The following ESRRG variants were observed in gnomAD, a reference collection of about 807,000 sequenced individuals.
ESRRG encodes estrogen-related receptor gamma.
A neutral mutation model predicts 44.0 loss-of-function variants in ESRRG; 13 were observed. That is an observed-to-expected ratio of 0.30 (90% CI 0.19 to 0.47). ESRRG has a LOEUF of 0.47. Ranked by LOEUF, ESRRG falls within the 20% of genes least tolerant of loss-of-function variation. The pLI, the probability that ESRRG is intolerant of heterozygous loss-of-function variation, is 1.00. For missense variants in ESRRG, 395 were observed against 580.6 expected, an observed-to-expected ratio of 0.68 and a Z score of 3.29; for synonymous variants, 215 against 214.6, an observed-to-expected ratio of 1.00 and a Z score of -0.02.
intron 1 of ESRRG, among the ~76,000 whole-genome samples, chr1:217,027,903 C>A (rs2081465890): frequency 6.6e-6 from 1 of 152,306 alleles, no homozygotes. Flanking sequence ...ATCATTGCCT[C>A]AATGCAGCCT....
intron 2 of ESRRG, among the ~76,000 whole-genome samples, chr1:216,795,633 A>G (rs1320130636): frequency 6.6e-6 from 1 of 151,738 alleles, no homozygotes; most frequent in African/African-American, 2.4e-5. Context: ...ACGCCACTGC[A>G]CCTGGCCTCT....
chr1:217,004,992 G>A (rs1050946319), intron 1 of ESRRG, among the ~76,000 whole-genome samples: 1 of 152,026 alleles, frequency 6.6e-6, no homozygotes, highest in African/African-American at 2.4e-5. Context: ...TAGTAATAAT[G>A]GTTCTACTCT....
intron 1 of ESRRG, among the ~76,000 whole-genome samples, chr1:217,008,526 C>G (rs1316935987): frequency 6.6e-6 from 1 of 152,176 alleles, no homozygotes; most frequent in African/African-American, 2.4e-5. Context: ...TGTTTGCACT[C>G]TCTAGGTTCT....
chr1:216,852,047 G>A (rs1417140056), intron 2 of ESRRG, among the ~76,000 whole-genome samples: 7 of 152,284 alleles, frequency 4.6e-5, no homozygotes, highest in East Asian at 3.9e-4. Flanking sequence ...AACCTGTTGC[G>A]GCTGAGAAGT....
At chr1:216,754,064 C>T (rs770457309) in intron 2 of ESRRG, among the ~76,000 whole-genome samples, 2 of 152,006 alleles carry the variant, frequency 1.3e-5, no homozygotes, top group Non-Finnish European at 2.9e-5. Context: ...GATTTTACTG[C>T]CATTTTTTTC....
In ESRRG at chr1:216,638,900, T is replaced by C. The variant is rs536265570; in HGVS notation, c.589+12073A>G. On this transcript the variant is annotated intron_variant, in intron 3 of 6. Coordinates refer to ENST00000408911, the MANE Select transcript of ESRRG (RefSeq NM_001438.4). The stretch of plus-strand genomic sequence containing the variant: ...AGATGTTGTAAAGAACAGGATGTAC[T>C]TCTGCCATAGCAGATAGAAATATTT... 4.6e-5 allele frequency among the ~76,000 whole-genome samples: 7 copies of C among 152,344 alleles called. 1 individual carries two copies. Among genetic ancestry groups the C allele is most frequent in the African/African-American group, 1.7e-4 (7 of 41,590 alleles).
chr1:216,935,764 C>T (rs549769236), intron 2 of ESRRG, among the ~76,000 whole-genome samples: 12 of 152,078 alleles, frequency 7.9e-5, no homozygotes, highest in Non-Finnish European at 1.6e-4. Flanking sequence ...TTACAGGCAC[C>T]TGCCACCATG....
intron 3 of ESRRG, among the ~76,000 whole-genome samples, chr1:216,611,757 G>A (rs4124653): frequency 0.37 from 55,980 of 149,698 alleles, 10,630 homozygotes; most frequent in East Asian, 0.52. Context: ...CTAGAGGTAT[G>A]TAAAAAAAAA....
chr1:216,793,127 C>G (rs186934013), intron 2 of ESRRG, among the ~76,000 whole-genome samples: 1 of 152,150 alleles, frequency 6.6e-6, no homozygotes. Flanking sequence ...CCCTTTTGGT[C>G]CCACAGTGTT....
At chr1:217,071,915 G>A (rs535144267) in intron 1 of ESRRG, among the ~76,000 whole-genome samples, 77 of 152,282 alleles carry the variant, frequency 5.1e-4, no homozygotes, top group African/African-American at 1.8e-3. Context: ...CTAGAGCTAT[G>A]ATGTAAAGCA....
chr1:216,586,730 C>T lies in ESRRG; in HGVS notation c.590-18632G>A, dbSNP rs553208565. On this transcript the variant is annotated intron_variant, in intron 3 of 6. Coordinates refer to ENST00000408911, the MANE Select transcript of ESRRG (RefSeq NM_001438.4). The stretch of plus-strand genomic sequence containing the variant: ...GGCTGGGACTACAGGCGCCCACCAC[C>T]ATGCCTGGCTAATTTTTTTTGTATT... Among the ~76,000 whole-genome samples the T allele has an allele frequency of 2.1e-5, 3 of 141,882 alleles. No individual in the cohort carries two copies. The Admixed American group carries it at 2.1e-4, about 10-fold the overall frequency. The allele number at this position is 141,882 out of a possible 152,430, so 93.1% of individuals were successfully genotyped here.
intron 2 of ESRRG, among the ~76,000 whole-genome samples, chr1:216,800,993 G>C (rs951490868): frequency 6.6e-6 from 1 of 151,988 alleles, no homozygotes; most frequent in Non-Finnish European, 1.5e-5. Flanking sequence ...TTTTTTTAAT[G>C]TTATTGTGTA....
chr1:217,074,860 C>T (rs1002610289), intron 1 of ESRRG, among the ~76,000 whole-genome samples: 1 of 152,206 alleles, frequency 6.6e-6, no homozygotes, highest in African/African-American at 2.4e-5. Context: ...CTGTGATGTA[C>T]AGTTGTCACT....
chr1:216,568,931 G>A lies in ESRRG; in HGVS notation c.590-833C>T, dbSNP rs541607601. Among the ~76,000 whole-genome samples the A allele has an allele frequency of 3.3e-5, 5 of 152,090 alleles. No individual in the cohort carries two copies. In the South Asian group the frequency reaches 1.0e-3, roughly 32 times the overall value. On this transcript the variant is annotated intron_variant, in intron 3 of 6. Coordinates refer to ENST00000408911, the MANE Select transcript of ESRRG (RefSeq NM_001438.4). ...TAGCCAGGCGTGGTGGTGCATGCCTGTAATCCCAGCTACTCGGGAGTCTGA... is the reference window on the plus strand; with the variant it reads ...TAGCCAGGCGTGGTGGTGCATGCCTATAATCCCAGCTACTCGGGAGTCTGA...
chr1:216,967,140 G>A (rs1301733226), intron 1 of ESRRG, among the ~76,000 whole-genome samples: 2 of 151,714 alleles, frequency 1.3e-5, no homozygotes, highest in Admixed American at 6.6e-5. Context: ...CTTAAGTATC[G>A]CCTACCTACC....
intron 5 of ESRRG, among the ~76,000 whole-genome samples, chr1:216,551,785 G>A (rs531085919): frequency 6.6e-5 from 10 of 152,184 alleles, no homozygotes; most frequent in Admixed American, 2.0e-4. Context: ...AGAGGCTGAC[G>A]GAGATTTATT....
At chr1:216,712,320 C>T (rs2083795967) in intron 1 of ESRRG, among the ~76,000 whole-genome samples, 1 of 152,008 alleles carries the variant, frequency 6.6e-6, no homozygotes. Flanking sequence ...CAAGACTGCA[C>T]AATAATGGAA....
chr1:216,812,420 G>A (rs2095001851), intron 2 of ESRRG, among the ~76,000 whole-genome samples: 1 of 152,014 alleles, frequency 6.6e-6, no homozygotes. Context: ...TTATTTCGGG[G>A]AGTCCCTTGG....
chr1:216,783,745 C>G (rs1679877799), intron 2 of ESRRG, among the ~76,000 whole-genome samples: 1 of 151,908 alleles, frequency 6.6e-6, no homozygotes. Context: ...AATGACAAAA[C>G]TACATTAGAA....
Sources: allele counts gnomAD v4.1 joint callset (sites outside exome capture counted in the v4.1 genomes callset), GRCh38; gene constraint gnomAD v4.1.1; transcripts MANE v1.5; gene names NCBI Gene and HGNC (gene_info 2026-07-23, HGNC 2026-07-21).